The following RASSF4 variants were observed in gnomAD, a reference collection of about 807,000 sequenced individuals.
RASSF4 encodes ras association domain-containing protein 4.
Under a neutral mutation model 41.1 loss-of-function variants are expected in RASSF4, and 38 were observed. That is an observed-to-expected ratio of 0.92 (90% CI 0.71 to 1.21). The LOEUF is 1.21. RASSF4 is among the 50% of genes most tolerant of loss of function. The pLI, the probability that RASSF4 is intolerant of heterozygous loss-of-function variation, is 0.00. For synonymous variants in RASSF4, 179 were observed against 163.4 expected, an observed-to-expected ratio of 1.10 and a Z score of -0.73; for missense variants, 414 against 419.4, an observed-to-expected ratio of 0.99 and a Z score of 0.11.
At chr10:44,979,706 G>A (rs1040592985) in intron 3 of RASSF4, among the ~76,000 whole-genome samples, 3 of 147,786 alleles carry the variant, frequency 2.0e-5, no homozygotes, top group African/African-American at 8.0e-5. Flanking sequence ...TCAGGGCACA[G>A]CAAGGGGCCT....
rs1842235991 is a variant in RASSF4, at chr10:44,994,705, T to C, written c.*1376T>C. Reference sequence around the variant, plus strand: ...AGGTGCTCAATAAAGGTGTGCTGTATTGAACTGAAGAAGTGAGAACCAAGC... The same window carrying C: ...AGGTGCTCAATAAAGGTGTGCTGTACTGAACTGAAGAAGTGAGAACCAAGC... On this transcript the variant is annotated 3_prime_UTR_variant, in exon 11 of 11. Coordinates refer to ENST00000340258, the MANE Select transcript of RASSF4 (RefSeq NM_032023.4). 6.6e-6 allele frequency: 1 copy of C among 151,866 alleles called. No individual in the cohort carries two copies. Among genetic ancestry groups the C allele is most frequent in the East Asian group, 1.9e-4 (1 of 5,186 alleles). 9.4% of individuals were successfully genotyped at this position (151,866 alleles called of 1,614,324 possible).
intron 6 of RASSF4, among the ~76,000 whole-genome samples, chr10:44,986,298 T>C (rs1418916170): frequency 1.3e-5 from 2 of 152,222 alleles, no homozygotes; most frequent in Non-Finnish European, 2.9e-5. Flanking sequence ...GAGGTGTGTC[T>C]GGTACATTAA....
chr10:44,979,105 G>C (rs1016885388), intron 3 of RASSF4, among the ~76,000 whole-genome samples: 1 of 152,162 alleles, frequency 6.6e-6, no homozygotes. Context: ...CCCAAAGCTT[G>C]TTTCCCACTC....
rs761562147 is a variant in RASSF4, at chr10:44,993,261, C to T, written c.906-8C>T. 1 of 1,609,796 alleles carries T rather than the reference C, an allele frequency of 6.2e-7. No homozygotes were observed. Among genetic ancestry groups the T allele is most frequent in the Non-Finnish European group, 8.5e-7 (1 of 1,179,432 alleles). On this transcript the variant is annotated splice_region_variant and splice_polypyrimidine_tract_variant and intron_variant, in intron 10 of 10. Coordinates refer to ENST00000340258, the MANE Select transcript of RASSF4 (RefSeq NM_032023.4). ...TCAGTGAGTCCTCTTGGCGATGTCT[C>T]CCTCCAGGTTCCAAGCCCTGCGTCT...
In RASSF4 at chr10:44,965,604, T is replaced by C. The variant is rs1215092906; in HGVS notation, c.-38-4561T>C. Among the ~76,000 whole-genome samples, 4 of 152,366 alleles carry C rather than the reference T, an allele frequency of 2.6e-5. No individual in the cohort carries two copies. In the East Asian group the frequency reaches 7.7e-4, roughly 29 times the overall value. On this transcript the variant is annotated intron_variant, in intron 1 of 10. Coordinates refer to ENST00000340258, the MANE Select transcript of RASSF4 (RefSeq NM_032023.4). The stretch of plus-strand genomic sequence containing the variant: ...TCTCAAAGGAGAGACTCTCTTTGTG[T>C]GGAGCCAAGGTTCCCACCCTGTAAG...
intron 9 of RASSF4, 122 bp from the exon 10 acceptor site, chr10:44,991,783 G>A (rs900301974): frequency 3.1e-6 from 2 of 653,546 alleles, no homozygotes; most frequent in East Asian, 2.7e-5. Flanking sequence ...TGGGAAAAGC[G>A]GCAGCTCCTT....
At chr10:44,979,060 TG>T (rs1841588896) in intron 3 of RASSF4, among the ~76,000 whole-genome samples, 1 of 152,152 alleles carries the variant, frequency 6.6e-6, no homozygotes, top group African/African-American at 2.4e-5. Context: ...GGGGTTCCAC[TG>T]GGCCCTCACA....
chr10:44,972,392 C>T (rs1053551385), intron 3 of RASSF4, among the ~76,000 whole-genome samples: 2 of 152,224 alleles, frequency 1.3e-5, no homozygotes, highest in African/African-American at 4.8e-5. Flanking sequence ...AGGAGTCAGC[C>T]GCCCATCAGA....
intron 3 of RASSF4, among the ~76,000 whole-genome samples, chr10:44,975,898 T>C (rs564798141): frequency 2.0e-5 from 3 of 152,018 alleles, no homozygotes; most frequent in Admixed American, 6.6e-5. Flanking sequence ...CTCATCCTAG[T>C]TGCCGGACTC....
chr10:44,990,942 T>C lies in RASSF4; in HGVS notation c.686-6T>C. 3 of 1,610,452 alleles carry C rather than the reference T, an allele frequency of 1.9e-6. No homozygotes were observed. The highest frequency in any genetic ancestry group is 2.5e-6 in the Non-Finnish European group (3 of 1,176,926). The stretch of plus-strand genomic sequence containing the variant: ...CGTGATTTTTGTAAACCACCTTCTT[T>C]TTCAGAGCGGACAAAATTAAAAGAC... On this transcript the variant is annotated splice_region_variant and splice_polypyrimidine_tract_variant and intron_variant, in intron 8 of 10. Coordinates refer to ENST00000340258, the MANE Select transcript of RASSF4 (RefSeq NM_032023.4).
Position 44,971,819 on chromosome 10 carries a change from G to T in RASSF4, c.109G>T (p.Gly37Cys). The T allele has an allele frequency of 6.2e-7, 1 of 1,612,520 alleles. No homozygotes were observed. The highest frequency in any genetic ancestry group is 8.5e-7 in the Non-Finnish European group (1 of 1,178,744). The change falls in exon 3 of 11, where the codon GGC becomes TGC. Residue 37 changes from glycine (G) to cysteine (C), a missense_variant. Gly to Cys is a radical substitution (Grantham distance 159, BLOSUM62 -3). Coordinates refer to ENST00000340258, the MANE Select transcript of RASSF4 (RefSeq NM_032023.4). ...GAAAACCTACAACTGCTACCATGAGGGCAAGAGCTTCCAGCTGAGACACCG... is the reference window on the plus strand; with the variant it reads ...GAAAACCTACAACTGCTACCATGAGTGCAAGAGCTTCCAGCTGAGACACCG... ...LLKTYNCYHE[G>C]KSFQLRHREE... is the part of the protein sequence containing the mutation.
chr10:44,982,905 G>C (rs1390723602), intron 4 of RASSF4: 1 of 696,998 alleles, frequency 1.4e-6, no homozygotes, highest in Non-Finnish European at 2.7e-6. Context: ...AAACCTTCCT[G>C]CAAGCCACCT....
intron 2 of RASSF4, chr10:44,971,565 G>A (rs747679872): frequency 2.4e-5 from 16 of 679,982 alleles, no homozygotes; most frequent in Admixed American, 1.4e-4. Context: ...TCCTCAGCCC[G>A]ACCCCCATGC....
chr10:44,962,757 G>A (rs1278447822), intron 1 of RASSF4, among the ~76,000 whole-genome samples: 1 of 152,248 alleles, frequency 6.6e-6, no homozygotes, highest in Admixed American at 6.5e-5. Flanking sequence ...GAGCCTGGTT[G>A]GTGGGGAAGT....
At chr10:44,989,819 ATGGGCTCCGTGCTGGCTTGCCTAG>A in intron 8 of RASSF4, 98 bp downstream of exon 8, 1 of 1,087,448 alleles carries the variant, frequency 9.2e-7, no homozygotes, top group South Asian at 1.3e-5. Flanking sequence ...TCCCTTCCAG[ATGGGCTCCGTGCTGGCTTGCCTAG>A]TGGGCTAGGG....
chr10:44,982,743 C>T, intron 4 of RASSF4, 80 bp downstream of exon 4: 1 of 1,477,542 alleles, frequency 6.8e-7, no homozygotes, highest in South Asian at 1.2e-5. Flanking sequence ...AGGGTGGGAG[C>T]CCTGTTCCCT....
intron 1 of RASSF4, among the ~76,000 whole-genome samples, chr10:44,960,989 G>A (rs1840687925): frequency 6.6e-6 from 1 of 152,038 alleles, no homozygotes; most frequent in Non-Finnish European, 1.5e-5. Context: ...AGCTACTTCT[G>A]CCAGGACAGC....
chr10:44,978,040 G>T, intron 3 of RASSF4: 1 of 1,597,048 alleles, frequency 6.3e-7, no homozygotes, highest in South Asian at 1.1e-5. Flanking sequence ...TCACTCTGGC[G>T]AGAGGAGGTG....
At chr10:44,993,153 A>C (rs1842181580) in intron 10 of RASSF4, 116 bp from the exon 11 acceptor site, 1 of 807,500 alleles carries the variant, frequency 1.2e-6, no homozygotes, top group Admixed American at 2.1e-5. Context: ...GGCAGAGGAG[A>C]GATGAGGCTG....
Sources: allele counts gnomAD v4.1 joint callset (sites outside exome capture counted in the v4.1 genomes callset), GRCh38; gene constraint gnomAD v4.1.1; transcripts MANE v1.5; gene names NCBI Gene and HGNC (gene_info 2026-07-23, HGNC 2026-07-21).